The following BRSK2 variants were observed in gnomAD, a reference collection of about 807,000 sequenced individuals.
The protein encoded by BRSK2 is BR serine/threonine kinase 2.
A neutral mutation model predicts 83.3 loss-of-function variants in BRSK2; 19 were observed. The observed-to-expected ratio is 0.23, with a 90% CI of 0.16 to 0.33. The LOEUF is 0.33. Among genes scored for constraint, BRSK2 ranks in the 10% least tolerant of loss-of-function variants. The pLI, the probability that BRSK2 is intolerant of heterozygous loss-of-function variation, is 1.00. For synonymous variants in BRSK2, 519 were observed against 435.4 expected (o/e 1.19, Z -2.39); for missense variants, 798 against 1,042.3 (o/e 0.77, Z 3.23).
In BRSK2 at chr11:1,454,787, C is replaced by T. The variant is rs1846273815; in HGVS notation, c.1668+179C>T. Among the ~76,000 whole-genome samples, 2 of 152,182 alleles carry T rather than the reference C, an allele frequency of 1.3e-5. No individual in the cohort carries two copies. The highest frequency in any genetic ancestry group is 1.3e-4 in the Admixed American group (2 of 15,284). ...ACAGGCGCTCTCTCCTGCCCACCCTCGTGAGGGAGGGGTCACTGCCCATCT... is the reference window on the plus strand; with the variant it reads ...ACAGGCGCTCTCTCCTGCCCACCCTTGTGAGGGAGGGGTCACTGCCCATCT... On this transcript the variant is annotated intron_variant, in intron 16 of 19. Coordinates refer to ENST00000528841, the MANE Select transcript of BRSK2 (RefSeq NM_001256627.2). This position sits in a 1 kb window ranked among gnomAD's most constrained non-coding sequence, Gnocchi z 5.2.
At chr11:1,444,866 C>T (rs1462110847) in intron 8 of BRSK2, 105 bp from the exon 9 acceptor site, 2 of 1,069,678 alleles carry the variant, frequency 1.9e-6, no homozygotes, top group Non-Finnish European at 2.9e-6. Context: ...TCACCCTCTC[C>T]TGCTCTCTCC....
intron 18 of BRSK2, chr11:1,457,123 G>A (rs1590706791): frequency 9.0e-6 from 12 of 1,329,750 alleles, no homozygotes; most frequent in Non-Finnish European, 1.1e-5. Context: ...CTGGCCCTGA[G>A]CAGGGCCCTC....
At chr11:1,434,074 A>G (rs1849949171) in intron 1 of BRSK2, among the ~76,000 whole-genome samples, 1 of 152,284 alleles carries the variant, frequency 6.6e-6, no homozygotes, top group South Asian at 2.1e-4. Context: ...CAAAAAAATC[A>G]AAGGGCTCTT....
At chr11:1,393,926 GATGGGT>G in intron 1 of BRSK2, among the ~76,000 whole-genome samples, 1 of 75,858 alleles carries the variant, frequency 1.3e-5, no homozygotes, top group Non-Finnish European at 3.3e-5. Flanking sequence ...GGGCCATGGA[GATGGGT>G]CCTGGAGATG....
At chr11:1,406,302 A>G (rs1257591717) in intron 1 of BRSK2, among the ~76,000 whole-genome samples, 1 of 152,160 alleles carries the variant, frequency 6.6e-6, no homozygotes, top group Non-Finnish European at 1.5e-5. Flanking sequence ...TCTCTACTAA[A>G]AATACAAAAC....
intron 12 of BRSK2, among the ~76,000 whole-genome samples, 169 bp downstream of exon 12, chr11:1,446,076 GGCTGGGCTGGGCTTA>G (rs1377691624): frequency 5.6e-5 from 6 of 106,332 alleles, no homozygotes; most frequent in South Asian, 2.6e-4. Flanking sequence ...GGCTTGGCTG[GGCTGGGCTGGGCTTA>G]GCTGGGCTGG....
intron 1 of BRSK2, chr11:1,409,293 C>G (rs1847166032): frequency 6.6e-6 from 1 of 152,306 alleles, no homozygotes; most frequent in African/African-American, 2.4e-5. Flanking sequence ...GCCTCTTCTC[C>G]CTGTGCTCAG....
chr11:1,455,658 G>A lies in BRSK2; in HGVS notation c.1669-690G>A, dbSNP rs534831242. ...AGGGGTCCTCAGCGTCCCCGTCCCCGTCCCCACAGGCTGCTCACTTCCTCG... is the reference window on the plus strand; with the variant it reads ...AGGGGTCCTCAGCGTCCCCGTCCCCATCCCCACAGGCTGCTCACTTCCTCG... On this transcript the variant is annotated intron_variant, in intron 16 of 19. Coordinates refer to ENST00000528841, the MANE Select transcript of BRSK2 (RefSeq NM_001256627.2). 2.1e-4 allele frequency among the ~76,000 whole-genome samples: 32 copies of A among 152,034 alleles called. No individual in the cohort carries two copies. The South Asian group carries it at 5.0e-3, about 24-fold the overall frequency.
At chr11:1,414,924 C>G (rs781546390) in intron 1 of BRSK2, among the ~76,000 whole-genome samples, 5 of 152,118 alleles carry the variant, frequency 3.3e-5, no homozygotes, top group Non-Finnish European at 7.3e-5. Context: ...ACGCACTTAC[C>G]TGTGTGGACA....
In BRSK2 at chr11:1,445,559, C is replaced by T. The variant is rs776586064; in HGVS notation, c.978-12C>T. ...GTGTGCCAGCGCGTCTCGCGCCTCT[C>T]GCCCGCTGTAGGGAGAACCAGGAGA... On this transcript the variant is annotated splice_polypyrimidine_tract_variant and intron_variant, in intron 10 of 19. Transcript: ENST00000528841. 1.1e-5 allele frequency: 18 copies of T among 1,585,772 alleles called. No homozygotes were observed. In the East Asian group the frequency reaches 2.5e-4, roughly 22 times the overall value.
chr11:1,451,549 G>T, intron 15 of BRSK2, 130 bp downstream of exon 15: 1 of 924,822 alleles, frequency 1.1e-6, no homozygotes, highest in Admixed American at 2.0e-5. Flanking sequence ...CTGCAGGCAG[G>T]CCCGTCTCGG....
rs374705698 is a variant in BRSK2 at position 1,459,044 on chromosome 11, G to GC, written c.1940-141dup. 1.6e-3 allele frequency: 1,208 copies of GC among 745,546 alleles called. 13 individuals are homozygous for GC. Among genetic ancestry groups the GC allele is most frequent in the African/African-American group, 0.016 (886 of 57,038 alleles). 46.2% of individuals were successfully genotyped at this position (745,546 alleles called of 1,614,324 possible). ...ATAAGCCCCGCCCCCTCTGGCTCTG[G>GC]CCCCCCCAGTATTCCCCACCCATGC... On this transcript the variant is annotated intron_variant, in intron 18 of 19. Coordinates refer to ENST00000528841, the MANE Select transcript of BRSK2 (RefSeq NM_001256627.2).
intron 1 of BRSK2, among the ~76,000 whole-genome samples, chr11:1,391,127 A>AG (rs2133996189): frequency 6.6e-6 from 1 of 152,336 alleles, no homozygotes; most frequent in African/African-American, 2.4e-5. Flanking sequence ...AACCCAGGCC[A>AG]GAGGCAACCC....
chr11:1,444,290 C>T (rs780194737), intron 8 of BRSK2, among the ~76,000 whole-genome samples: 67 of 152,256 alleles, frequency 4.4e-4, no homozygotes, highest in Non-Finnish European at 6.8e-4. Flanking sequence ...TGGTCCTGAC[C>T]TCCTCCAGGG....
chr11:1,415,352 C>G (rs894875014), intron 1 of BRSK2, among the ~76,000 whole-genome samples: 12 of 152,152 alleles, frequency 7.9e-5, no homozygotes, highest in Non-Finnish European at 1.5e-4. Context: ...TCTGGGCCTC[C>G]CAAAGTGCTG....
intron 15 of BRSK2, among the ~76,000 whole-genome samples, chr11:1,451,893 T>C (rs1052171395): frequency 2.6e-5 from 4 of 152,100 alleles, no homozygotes; most frequent in Admixed American, 2.0e-4. Flanking sequence ...GCAGAGACTC[T>C]ACAGCGCCCA....
At position 1,442,101 on chromosome 11, in the gene BRSK2, G is replaced by A. The variant is rs912965122; in HGVS notation, c.414-389G>A. Among the ~76,000 whole-genome samples the A allele has an allele frequency of 2.0e-5, 3 of 150,288 alleles. No homozygotes were observed. The East Asian group carries it at 6.0e-4, about 30-fold the overall frequency. On this transcript the variant is annotated intron_variant, in intron 4 of 19. Coordinates refer to ENST00000528841, the MANE Select transcript of BRSK2 (RefSeq NM_001256627.2). ...TCCCGAGTGGGCAGTGTGTCGGGAAGTTTTCTGCCTGGCACCCACCCAAGC... is the reference window on the plus strand; with the variant it reads ...TCCCGAGTGGGCAGTGTGTCGGGAAATTTTCTGCCTGGCACCCACCCAAGC...
chr11:1,422,261 T>C (rs1029119951), intron 1 of BRSK2, among the ~76,000 whole-genome samples: 23 of 152,226 alleles, frequency 1.5e-4, no homozygotes, highest in African/African-American at 5.1e-4. Context: ...CCCAGCCCCC[T>C]CCTGAGCTGT....
chr11:1,453,001 T>C lies in BRSK2; in HGVS notation c.1545-1484T>C, dbSNP rs72843236. On this transcript the variant is annotated intron_variant, in intron 15 of 19. Coordinates refer to ENST00000528841, the MANE Select transcript of BRSK2 (RefSeq NM_001256627.2). ...GGTTGTCTGGGACACTCAGGGCTGA[T>C]GTCCTTGAGTCTGAAGTGCTAGCTG... 3.6e-3 allele frequency among the ~76,000 whole-genome samples: 549 copies of C among 152,356 alleles called. 3 individuals are homozygous for C. The highest frequency in any genetic ancestry group is 0.014 in the Middle Eastern group (4 of 294).
Sources: gnomAD v4.1 joint callset for allele counts (sites outside exome capture counted in the v4.1 genomes callset) on GRCh38, gnomAD v4.1.1 for gene constraint, Gnocchi (gnomAD v3.1) non-coding constraint, MANE v1.5 for transcripts, NCBI Gene and HGNC (gene_info 2026-07-23, HGNC 2026-07-21) for gene names.